Variants in UTP20 observed in about 807,000 individuals in gnomAD.
The protein encoded by UTP20 is UTP20 small subunit processome component, also known as small subunit processome component 20 homolog.
UTP20 carries 164 observed loss-of-function variants against 329.5 expected under a neutral mutation model. The observed-to-expected ratio is 0.50, with a 90% CI of 0.44 to 0.57. The LOEUF is 0.57. UTP20 is among the 20% of genes least tolerant of loss of function. The pLI is 0.00. For missense variants in UTP20, 3,055 were observed against 3,284.2 expected (o/e 0.93, Z 1.71); for synonymous variants, 1,151 against 1,159.3 (o/e 0.99, Z 0.14).
chr12:101,299,535 T>C (rs542132114), intron 12 of UTP20, 147 bp from the exon 13 acceptor site: 1 of 600,642 alleles, frequency 1.7e-6, no homozygotes, highest in East Asian at 3.0e-5. Context: ...ACTCAGTAAA[T>C]GACTCACATT....
intron 32 of UTP20, 65 bp downstream of exon 32, chr12:101,340,675 G>A (rs889998364): frequency 1.7e-5 from 17 of 985,844 alleles, no homozygotes; most frequent in South Asian, 1.2e-4. Flanking sequence ...GTTTAATTGC[G>A]AGCAGCAATT....
chr12:101,302,776 T>C (rs1872554427), intron 15 of UTP20, among the ~76,000 whole-genome samples: 2 of 152,252 alleles, frequency 1.3e-5, no homozygotes, highest in African/African-American at 2.4e-5. Context: ...TTATTGCGTG[T>C]GTAGATTAAT....
chr12:101,352,172 A>G lies in UTP20; in HGVS notation c.5002A>G (p.Ile1668Val). ...CATTCATGTCTTACAAACGGGACAGATCAATCAAAAACTGGGTGTCAGGTG... is the reference window on the plus strand; with the variant it reads ...CATTCATGTCTTACAAACGGGACAGGTCAATCAAAAACTGGGTGTCAGGTG... Reference protein sequence around the residue: ...HFIHVLQTGQINQKLGVSLLV... With the variant: ...HFIHVLQTGQVNQKLGVSLLV... Residue 1668 changes from isoleucine to valine, a missense_variant, in exon 39 of 62, where the codon ATC becomes GTC. Ile to Val is a conservative substitution (Grantham distance 29). Transcript: ENST00000261637. The G allele has an allele frequency of 6.2e-7, 1 of 1,609,300 alleles. No individual in the cohort carries two copies. The highest frequency in any genetic ancestry group is 8.5e-7 in the Non-Finnish European group (1 of 1,179,092).
At chr12:101,315,033 A>G (rs1403618774) in intron 21 of UTP20, among the ~76,000 whole-genome samples, 2 of 152,154 alleles carry the variant, frequency 1.3e-5, no homozygotes, top group African/African-American at 2.4e-5. Context: ...CAGAGGTTGC[A>G]GTGAGCCGAG....
intron 57 of UTP20, among the ~76,000 whole-genome samples, chr12:101,380,863 TAAAAAA>T (rs35235306): frequency 3.5e-5 from 4 of 115,150 alleles, no homozygotes; most frequent in Admixed American, 2.0e-4. Flanking sequence ...GACTCTGTCT[TAAAAAA>T]AAAAAAAAAA....
At chr12:101,385,013 G>A (rs900676027) in intron 60 of UTP20, among the ~76,000 whole-genome samples, 1 of 150,492 alleles carries the variant, frequency 6.6e-6, no homozygotes, top group African/African-American at 2.4e-5. Context: ...GGGGTTATTT[G>A]TATATAGGGG....
rs1593427866 is a variant in UTP20, at chr12:101,311,666, T to C, written c.2232-53T>C. On this transcript the variant is annotated intron_variant, in intron 19 of 61. Transcript: ENST00000261637. ...CTCTTTTTTTTTTTTCTATGAGCAA[T>C]CTTAAAATGGCCATACCACACTTTT... 3 of 1,454,446 alleles carry C rather than the reference T, an allele frequency of 2.1e-6. No individual in the cohort carries two copies. The East Asian group carries it at 6.9e-5, about 33-fold the overall frequency. The allele number at this position is 1,454,446 out of a possible 1,614,324, so 90.1% of individuals were successfully genotyped here.
Position 101,332,197 on chromosome 12 carries a change from C to T in UTP20, c.3418-1104C>T, listed in dbSNP as rs759225258. Among the ~76,000 whole-genome samples, 100 of 151,904 alleles carry T rather than the reference C, an allele frequency of 6.6e-4. 1 individual carries two copies. The highest frequency in any genetic ancestry group is 3.4e-3 in the Middle Eastern group (1 of 294). The stretch of plus-strand genomic sequence containing the variant: ...TACTGAAAATACAAAATGAACGGGG[C>T]GTGGTGGTGCATGCCTGTAATCCCA... On this transcript the variant is annotated intron_variant, in intron 27 of 61. Transcript: ENST00000261637.
chr12:101,290,049 A>C, intron 6 of UTP20, 88 bp from the exon 7 acceptor site: 1 of 1,050,128 alleles, frequency 9.5e-7, no homozygotes, highest in Non-Finnish European at 1.3e-6. Flanking sequence ...TATTTAAATA[A>C]CAATATATAG....
Position 101,309,834 on chromosome 12 carries a change from C to T in UTP20, c.2226C>T (p.Leu742=). The change falls in exon 19 of 62, where the codon CTC becomes CTT. Residue 742 remains leucine (L), a synonymous_variant. Coordinates refer to ENST00000261637, the MANE Select transcript of UTP20 (RefSeq NM_014503.3). ...FSALWDPVIE[L]ISSHAHEMEN... is the part of the protein sequence containing the mutation. The stretch of plus-strand genomic sequence containing the variant: ...CACTCTGGGATCCTGTTATTGAACT[C>T]ATAAGGTAAACATGGGTTAAATGGG... The T allele has an allele frequency of 1.2e-6, 2 of 1,613,248 alleles. No individual in the cohort carries two copies. The highest frequency in any genetic ancestry group is 1.7e-6 in the Non-Finnish European group (2 of 1,179,708).
At chr12:101,384,860 GT>G (rs1313974871) in intron 60 of UTP20, among the ~76,000 whole-genome samples, 10 of 152,288 alleles carry the variant, frequency 6.6e-5, no homozygotes, top group African/African-American at 2.2e-4. Context: ...ACAAAAGCAG[GT>G]TCAGGTGTGC....
At chr12:101,319,702 A>G in intron 23 of UTP20, 67 bp downstream of exon 23, 1 of 1,354,074 alleles carries the variant, frequency 7.4e-7, no homozygotes, top group Non-Finnish European at 1.0e-6. Flanking sequence ...TCTTTGTCAG[A>G]GTAGCTTAGA....
chr12:101,345,079 G>A lies in UTP20; in HGVS notation c.4605+329G>A, dbSNP rs1016465219. Among the ~76,000 whole-genome samples the A allele has an allele frequency of 6.6e-5, 10 of 151,220 alleles. No homozygotes were observed. The East Asian group carries it at 7.8e-4, about 12-fold the overall frequency. On this transcript the variant is annotated intron_variant, in intron 36 of 61. Transcript: ENST00000261637. Reference sequence around the variant, plus strand: ...TCCTGCCTCAGCCTCCAGAGTAGCCGGGATTACAGGCACATGCCACCACGC... The same window carrying A: ...TCCTGCCTCAGCCTCCAGAGTAGCCAGGATTACAGGCACATGCCACCACGC...
chr12:101,307,732 T>G (rs1872678982), intron 17 of UTP20, among the ~76,000 whole-genome samples: 1 of 152,320 alleles, frequency 6.6e-6, no homozygotes, highest in Middle Eastern at 3.4e-3. Flanking sequence ...TGAAAATGTC[T>G]TATTTAGCCA....
At position 101,332,897 on chromosome 12, in the gene UTP20, T is replaced by C. The variant is rs188012322; in HGVS notation, c.3418-404T>C. Reference sequence around the variant, plus strand: ...ATTTGAAATGAAGATTTAATTTTTTTCCCCCTAATATAAGGCATTATGTTG... The same window carrying C: ...ATTTGAAATGAAGATTTAATTTTTTCCCCCCTAATATAAGGCATTATGTTG... On this transcript the variant is annotated intron_variant, in intron 27 of 61. Coordinates refer to ENST00000261637, the MANE Select transcript of UTP20 (RefSeq NM_014503.3). 4.3e-4 allele frequency among the ~76,000 whole-genome samples: 65 copies of C among 152,246 alleles called. 1 individual carries two copies. The highest frequency in any genetic ancestry group is 1.6e-3 in the African/African-American group (65 of 41,550).
chr12:101,304,853 A>G (rs1011505161), intron 15 of UTP20, among the ~76,000 whole-genome samples: 1 of 152,064 alleles, frequency 6.6e-6, no homozygotes, highest in East Asian at 1.9e-4. Context: ...CGTATGAGCT[A>G]ACTCCTGGCT....
At chr12:101,377,332 TATA>T (rs1012053473) in intron 56 of UTP20, among the ~76,000 whole-genome samples, 4 of 152,140 alleles carry the variant, frequency 2.6e-5, no homozygotes, top group South Asian at 4.2e-4. Context: ...AAACCCACAT[TATA>T]AAACTTTTTT....
chr12:101,305,684 T>C (rs963003883), intron 15 of UTP20, among the ~76,000 whole-genome samples: 1 of 151,498 alleles, frequency 6.6e-6, no homozygotes, highest in Non-Finnish European at 1.5e-5. Context: ...GAGTCTAGCA[T>C]ATTCTGCTCC....
At chr12:101,369,026 T>G (rs1248648954) in intron 48 of UTP20, among the ~76,000 whole-genome samples, 1 of 152,214 alleles carries the variant, frequency 6.6e-6, no homozygotes, top group Non-Finnish European at 1.5e-5. Flanking sequence ...CTCAGCACAC[T>G]TTTTCCATGT....
Sources: gnomAD v4.1 joint callset for allele counts (sites outside exome capture counted in the v4.1 genomes callset) on GRCh38, gnomAD v4.1.1 for gene constraint, MANE v1.5 for transcripts, NCBI Gene and HGNC (gene_info 2026-07-23, HGNC 2026-07-21) for gene names.